The following ARIH2 variants were observed in gnomAD, a reference collection of about 807,000 sequenced individuals.
ARIH2 encodes the protein ariadne RBR E3 ubiquitin protein ligase 2, also known as E3 ubiquitin-protein ligase ARIH2.
A neutral mutation model predicts 79.8 loss-of-function variants in ARIH2; 12 were observed. The ratio of observed to expected loss-of-function variants is 0.15; its 90% CI spans 0.10 to 0.24. The LOEUF (loss-of-function observed/expected upper bound fraction) is 0.24. ARIH2 is among the 10% of genes least tolerant of loss of function. The pLI is 1.00. For synonymous variants in ARIH2, 224 were observed against 213.9 expected, an observed-to-expected ratio of 1.05 and a Z score of -0.41; for missense variants, 301 against 618.3, an observed-to-expected ratio of 0.49 and a Z score of 5.44.
Position 48,973,752 on chromosome 3 carries a change from A to G in ARIH2, c.824A>G (p.Lys275Arg), listed in dbSNP as rs762017329. 3 of 1,614,142 alleles carry G rather than the reference A, an allele frequency of 1.9e-6. No individual in the cohort carries two copies. The highest frequency in any genetic ancestry group is 2.5e-6 in the Non-Finnish European group (3 of 1,180,010). ...HAPTDCATIR[K>R]WLTKCADDSE... ...CCCACAGACTGTGCCACAATCCGGA[A>G]ATGGCTCACGAAGTGTGCAGACGAC... Residue 275 changes from lysine (K) to arginine (R), a missense_variant, in exon 9 of 16, where the codon AAA becomes AGA. By Grantham distance (26) the Lys-to-Arg change is conservative. Around this residue, in one of 2 missense-constraint regions of ARIH2, gnomAD observed 223 missense variants for 349.4 expected, o/e 0.64. Coordinates refer to ENST00000356401, the MANE Select transcript of ARIH2 (RefSeq NM_006321.4).
intron 1 of ARIH2, among the ~76,000 whole-genome samples, chr3:48,919,911 T>G (rs1276540320): frequency 6.6e-6 from 1 of 151,858 alleles, no homozygotes; most frequent in Non-Finnish European, 1.5e-5. Context: ...CTGTGCGTGG[T>G]GGGCAAGCCC....
At chr3:48,973,147 AT>A (rs2092329053) in intron 8 of ARIH2, among the ~76,000 whole-genome samples, 1 of 152,220 alleles carries the variant, frequency 6.6e-6, no homozygotes, top group Non-Finnish European at 1.5e-5. Flanking sequence ...AACTTTACCT[AT>A]TTGAAAAGCT....
intron 3 of ARIH2, among the ~76,000 whole-genome samples, chr3:48,953,377 G>T (rs1177242197): frequency 6.6e-6 from 1 of 152,098 alleles, no homozygotes; most frequent in Non-Finnish European, 1.5e-5. Flanking sequence ...AAGTATTATA[G>T]TTATTAAACA....
At chr3:48,965,951 A>G (rs987111419) in intron 5 of ARIH2, among the ~76,000 whole-genome samples, 1 of 119,242 alleles carries the variant, frequency 8.4e-6, no homozygotes, top group Non-Finnish European at 1.7e-5. Flanking sequence ...GGCGACAGAC[A>G]CTCCATCAGA....
chr3:48,963,018 GC>G (rs2091431784), intron 4 of ARIH2, among the ~76,000 whole-genome samples: 1 of 152,118 alleles, frequency 6.6e-6, no homozygotes, highest in Non-Finnish European at 1.5e-5. Flanking sequence ...ACCAGCACTT[GC>G]CACCATGCCT....
chr3:48,954,046 C>T lies in ARIH2; in HGVS notation c.256-7566C>T, dbSNP rs1013901798. 4.6e-5 allele frequency among the ~76,000 whole-genome samples: 7 copies of T among 151,856 alleles called. No homozygotes were observed. The South Asian group carries it at 6.2e-4, about 14-fold the overall frequency. ...AGTGGTGGCAGGTGCCTGTAATCAC[C>T]GCTACTTGGGAGGCCGAGACAGGAG... On this transcript the variant is annotated intron_variant, in intron 3 of 15. Coordinates refer to ENST00000356401, the MANE Select transcript of ARIH2 (RefSeq NM_006321.4).
At chr3:48,919,180 T>G in intron 1 of ARIH2, 182 bp downstream of exon 1, 3 of 1,297,740 alleles carry the variant, frequency 2.3e-6, no homozygotes, top group African/African-American at 1.5e-5. Context: ...GCGCCCAGCG[T>G]GTGTCTGCCT....
chr3:48,985,723 G>A lies in ARIH2; in HGVS notation c.*2453G>A, dbSNP rs2092887526. On this transcript the variant is annotated 3_prime_UTR_variant, in exon 16 of 16. Transcript: ENST00000356401. Reference sequence around the variant, plus strand: ...CTGGCTGTTGGGGGAGAGGGCACCTGTAAGTGATCCCTGTGGAATGAAGTA... The same window carrying A: ...CTGGCTGTTGGGGGAGAGGGCACCTATAAGTGATCCCTGTGGAATGAAGTA... 2.0e-5 allele frequency: 3 copies of A among 152,210 alleles called. No homozygotes were observed. In the South Asian group the frequency reaches 6.2e-4, roughly 31 times the overall value. The allele number at this position is 152,210 out of a possible 1,614,324, so 9.4% of individuals were successfully genotyped here.
At position 48,979,559 on chromosome 3, in the gene ARIH2, C is replaced by T. The variant is rs2092678082; in HGVS notation, c.1039C>T (p.Pro347Ser). 6.2e-7 allele frequency: 1 copy of T among 1,614,230 alleles called. No homozygotes were observed. The change falls in exon 12 of 16, where the codon CCT (proline) becomes TCT (serine). Residue 347 changes from proline to serine, a missense_variant. Pro to Ser is a moderately conservative substitution (Grantham distance 74, BLOSUM62 -1). Around this residue, in one of 2 missense-constraint regions of ARIH2, gnomAD observed 78 missense variants for 268.9 expected, o/e 0.29. Transcript: ENST00000356401. ...TGAGTGCAGTCGTTACAAGGAGAAT[C>T]CTGACATCGTGAACCAGAGCCAACA... ...YYECSRYKEN[P>S]DIVNQSQQAQ...
At chr3:48,946,232 G>A (rs569082143) in intron 3 of ARIH2, among the ~76,000 whole-genome samples, 1 of 151,916 alleles carries the variant, frequency 6.6e-6, no homozygotes, top group South Asian at 2.1e-4. Context: ...AGTCCTGCTT[G>A]TGAAGCAGGC....
chr3:48,921,749 TC>T (rs1472074161), intron 1 of ARIH2, among the ~76,000 whole-genome samples: 4 of 151,802 alleles, frequency 2.6e-5, no homozygotes, highest in African/African-American at 9.7e-5. Context: ...CTGGAATTTT[TC>T]TTTTTTTTTT....
At position 48,983,311 on chromosome 3, in the gene ARIH2, C is replaced by T; in HGVS notation, c.*41C>T. On this transcript the variant is annotated 3_prime_UTR_variant, in exon 16 of 16. Transcript: ENST00000356401. ...TGCCGGGGTGAGGAAGATGTGGCTG[C>T]AAGGTCTCCCGGCTGCCATACTGCA... 2 of 1,602,990 alleles carry T rather than the reference C, an allele frequency of 1.2e-6. No individual in the cohort carries two copies. Among genetic ancestry groups the T allele is most frequent in the Non-Finnish European group, 1.7e-6 (2 of 1,170,638 alleles).
At chr3:48,953,593 G>A (rs921899461) in intron 3 of ARIH2, among the ~76,000 whole-genome samples, 4 of 151,632 alleles carry the variant, frequency 2.6e-5, no homozygotes, top group Non-Finnish European at 4.4e-5. Context: ...AGTAGAGACG[G>A]GGTTTCACCG....
intron 4 of ARIH2, among the ~76,000 whole-genome samples, chr3:48,963,067 A>G (rs2091441157): frequency 6.6e-6 from 1 of 152,066 alleles, no homozygotes; most frequent in Non-Finnish European, 1.5e-5. Flanking sequence ...TTATCTACAG[A>G]GGAAGATCGT....
At chr3:48,950,783 T>G (rs1400562941) in intron 3 of ARIH2, among the ~76,000 whole-genome samples, 3 of 152,136 alleles carry the variant, frequency 2.0e-5, no homozygotes, top group Non-Finnish European at 1.5e-5. Context: ...ATGTGTTACA[T>G]GTTGAAATAA....
intron 9 of ARIH2, 97 bp from the exon 10 acceptor site, chr3:48,974,720 A>G (rs1326328100): frequency 2.3e-6 from 3 of 1,283,402 alleles, no homozygotes; most frequent in Non-Finnish European, 3.4e-6. Flanking sequence ...TGCTCACACC[A>G]TGAGCAACTG....
intron 3 of ARIH2, among the ~76,000 whole-genome samples, chr3:48,957,935 T>G (rs1381008395): frequency 3.9e-5 from 6 of 152,128 alleles, no homozygotes; most frequent in African/African-American, 2.4e-5. Flanking sequence ...AAACAGGTCT[T>G]AATCTCCTGG....
chr3:48,937,202 C>T (rs550671664), intron 3 of ARIH2, among the ~76,000 whole-genome samples: 1 of 152,216 alleles, frequency 6.6e-6, no homozygotes, highest in Non-Finnish European at 1.5e-5. Flanking sequence ...TTCTCTTTGA[C>T]TAGCAGTTTC....
chr3:48,955,248 C>A (rs1322559432), intron 3 of ARIH2, among the ~76,000 whole-genome samples: 2 of 151,802 alleles, frequency 1.3e-5, no homozygotes, highest in African/African-American at 4.8e-5. Context: ...ACTTTTAATC[C>A]TCTGGTTACA....
Sources: gnomAD v4.1 joint callset for allele counts (sites outside exome capture counted in the v4.1 genomes callset) on GRCh38, gnomAD v4.1.1 for gene constraint, gnomAD v4.1.1 regional missense constraint, MANE v1.5 for transcripts, NCBI Gene and HGNC (gene_info 2026-07-23, HGNC 2026-07-21) for gene names.